The following DLGAP1 variants were observed in gnomAD, a reference collection of about 807,000 sequenced individuals.
DLGAP1 encodes the protein disks large-associated protein 1.
DLGAP1 carries 11 observed loss-of-function variants against 90.8 expected under a neutral mutation model. That is an observed-to-expected ratio of 0.12 (90% CI 0.08 to 0.20). DLGAP1 has a LOEUF of 0.20. Among genes scored for constraint, DLGAP1 ranks in the 10% least tolerant of loss-of-function variants. The pLI, the probability that DLGAP1 is intolerant of heterozygous loss-of-function variation, is 1.00. For synonymous variants in DLGAP1, 558 were observed against 540.7 expected, an observed-to-expected ratio of 1.03 and a Z score of -0.44; for missense variants, 1,050 against 1,333.8, an observed-to-expected ratio of 0.79 and a Z score of 3.31.
At chr18:3,589,322 A>G (rs2056098568) in intron 7 of DLGAP1, among the ~76,000 whole-genome samples, 1 of 152,258 alleles carries the variant, frequency 6.6e-6, no homozygotes, top group Non-Finnish European at 1.5e-5. Flanking sequence ...GTTATCCTTC[A>G]AGTTTAACAG....
chr18:4,198,768 G>A (rs1232762704), intron 1 of DLGAP1, among the ~76,000 whole-genome samples: 1 of 152,164 alleles, frequency 6.6e-6, no homozygotes, highest in Non-Finnish European at 1.5e-5. Context: ...CCTTGTAGGT[G>A]CATATCAAAT....
chr18:3,929,979 T>G (rs1046876266), intron 3 of DLGAP1, among the ~76,000 whole-genome samples: 2 of 152,238 alleles, frequency 1.3e-5, no homozygotes, highest in African/African-American at 4.8e-5. Context: ...TGCAGATACA[T>G]GGTGCTAGTT....
chr18:3,794,891 CTT>C (rs1349383129), intron 5 of DLGAP1, among the ~76,000 whole-genome samples: 5 of 152,246 alleles, frequency 3.3e-5, no homozygotes, highest in African/African-American at 7.2e-5. Flanking sequence ...CCACGCCTGA[CTT>C]CTGCAAAGCA....
chr18:3,650,639 A>G (rs540547414), intron 7 of DLGAP1, among the ~76,000 whole-genome samples: 1 of 152,202 alleles, frequency 6.6e-6, no homozygotes, highest in Admixed American at 6.5e-5. Flanking sequence ...CTCAGTTTCT[A>G]TAATATTCCA....
chr18:3,794,755 G>A (rs2065902362), intron 5 of DLGAP1, among the ~76,000 whole-genome samples: 1 of 152,250 alleles, frequency 6.6e-6, no homozygotes, highest in Non-Finnish European at 1.5e-5. Context: ...AGGTGGCTGT[G>A]TGGCTGGGAG....
chr18:3,716,377 AT>A, intron 7 of DLGAP1, among the ~76,000 whole-genome samples: 1 of 151,918 alleles, frequency 6.6e-6, no homozygotes, highest in South Asian at 2.1e-4. Context: ...TCTAGAAAAA[AT>A]TTTTAAAATT....
At chr18:4,303,358 G>T (rs540354247) in intron 1 of DLGAP1, among the ~76,000 whole-genome samples, 1 of 151,806 alleles carries the variant, frequency 6.6e-6, no homozygotes, top group Non-Finnish European at 1.5e-5. Flanking sequence ...GCTGCATATA[G>T]GCACCTCTGT....
At chr18:4,333,263 A>G (rs573815) in intron 1 of DLGAP1, among the ~76,000 whole-genome samples, 132,715 of 151,874 alleles carry the variant, frequency 0.87, 58,205 homozygotes, top group Non-Finnish European at 0.89. Context: ...CCTCACTTAC[A>G]GGTTTACGGC....
intron 1 of DLGAP1, among the ~76,000 whole-genome samples, chr18:4,264,263 T>A (rs1223087031): frequency 6.6e-6 from 1 of 152,122 alleles, no homozygotes; most frequent in African/African-American, 2.4e-5. Flanking sequence ...TCCAAGGCAA[T>A]CATTTGCTTT....
chr18:3,990,050 T>G (rs1010618030), intron 3 of DLGAP1, among the ~76,000 whole-genome samples: 3 of 152,114 alleles, frequency 2.0e-5, no homozygotes, highest in Non-Finnish European at 4.4e-5. Flanking sequence ...GTAAACTAGT[T>G]CAACCATTGT....
chr18:3,690,603 A>T (rs995464252), intron 7 of DLGAP1, among the ~76,000 whole-genome samples: 4 of 152,218 alleles, frequency 2.6e-5, no homozygotes, highest in Non-Finnish European at 5.9e-5. Context: ...GAGGAAGTAC[A>T]GGCTGAAATA....
intron 3 of DLGAP1, among the ~76,000 whole-genome samples, chr18:3,970,579 C>A (rs1039477991): frequency 6.6e-6 from 1 of 152,108 alleles, no homozygotes; most frequent in African/African-American, 2.4e-5. Context: ...TCAAGAAGTA[C>A]ATCTTCTAGA....
At position 3,826,802 on chromosome 18, in the gene DLGAP1, C is replaced by T. The variant is rs75190095; in HGVS notation, c.958-12529G>A. On this transcript the variant is annotated intron_variant, in intron 4 of 12. Transcript: ENST00000315677. ...ACGCAGGTTGCTAAGTTGAGAATGG[C>T]TCAAGGGCAACAAGAGTAGAATCAG... Among the ~76,000 whole-genome samples the T allele has an allele frequency of 2.5e-3, 377 of 152,236 alleles. 1 individual carries two copies. The highest frequency in any genetic ancestry group is 0.017 in the Middle Eastern group (5 of 294).
At position 3,756,024 on chromosome 18, in the gene DLGAP1, G is replaced by A. The variant is rs189005941; in HGVS notation, c.1173-13512C>T. ...AGTAACAAAAGGAAATTTTGGAACC[G>A]CACAATAATTTAGAAATTACACTAA... On this transcript the variant is annotated intron_variant, in intron 5 of 12. Transcript: ENST00000315677. 2.3e-3 allele frequency among the ~76,000 whole-genome samples: 348 copies of A among 152,014 alleles called. 2 individuals carry two copies. Among genetic ancestry groups the A allele is most frequent in the African/African-American group, 7.5e-3 (313 of 41,476 alleles).
chr18:3,962,177 A>G (rs1390501023), intron 3 of DLGAP1, among the ~76,000 whole-genome samples: 1 of 152,214 alleles, frequency 6.6e-6, no homozygotes, highest in Non-Finnish European at 1.5e-5. Flanking sequence ...GTTTGCTACC[A>G]CTTTTAATAT....
chr18:4,373,524 TTAGC>T (rs1368513464), intron 1 of DLGAP1, among the ~76,000 whole-genome samples: 2 of 152,142 alleles, frequency 1.3e-5, no homozygotes, highest in African/African-American at 4.8e-5. Flanking sequence ...CACCTCCAGG[TTAGC>T]TAGATCAAAA....
intron 1 of DLGAP1, among the ~76,000 whole-genome samples, chr18:4,314,012 C>T (rs1210152199): frequency 1.3e-5 from 2 of 152,108 alleles, no homozygotes; most frequent in South Asian, 4.1e-4. Flanking sequence ...AAATCAGAGA[C>T]CTTTGACTGC....
chr18:4,330,497 A>C (rs1414806479), intron 1 of DLGAP1, among the ~76,000 whole-genome samples: 1 of 151,820 alleles, frequency 6.6e-6, no homozygotes, highest in Non-Finnish European at 1.5e-5. Context: ...TAATATAAGC[A>C]ATTAGTGCAA....
chr18:4,089,768 G>A (rs557982334), intron 2 of DLGAP1, among the ~76,000 whole-genome samples: 12 of 152,308 alleles, frequency 7.9e-5, no homozygotes, highest in South Asian at 4.1e-4. Flanking sequence ...CTTCCTGGCC[G>A]GGCACGGTGG....
Sources: gnomAD v4.1 joint callset for allele counts (sites outside exome capture counted in the v4.1 genomes callset) on GRCh38, gnomAD v4.1.1 for gene constraint, MANE v1.5 for transcripts, NCBI Gene and HGNC (gene_info 2026-07-23, HGNC 2026-07-21) for gene names.